Variants in ATP10A observed in about 807,000 individuals in gnomAD.
ATP10A encodes the protein phospholipid-transporting ATPase VA.
ATP10A carries 111 observed loss-of-function variants against 147.8 expected under a neutral mutation model. The observed-to-expected ratio is 0.75, with a 90% CI of 0.64 to 0.88. ATP10A has a LOEUF of 0.88. Ranked by LOEUF, ATP10A falls within the 40% of genes least tolerant of loss-of-function variation. ATP10A has a pLI of 0.00. For missense variants in ATP10A, 1,927 were observed against 1,959.0 expected (o/e 0.98, Z 0.31); for synonymous variants, 875 against 841.6 (o/e 1.04, Z -0.69).
At chr15:25,718,107 C>T (rs1220619374) in intron 8 of ATP10A, 75 bp downstream of exon 8, 2 of 1,475,066 alleles carry the variant, frequency 1.4e-6, no homozygotes, top group Non-Finnish European at 1.9e-6. Context: ...AATATAGACA[C>T]CTTCCATGAG....
At chr15:25,837,911 A>G (rs775850389) in intron 1 of ATP10A, among the ~76,000 whole-genome samples, 9 of 152,154 alleles carry the variant, frequency 5.9e-5, no homozygotes, top group Non-Finnish European at 1.2e-4. Flanking sequence ...TCTTGGAAGG[A>G]AGGTATGCTG....
chr15:25,713,731 C>T lies in ATP10A; in HGVS notation c.2287G>A (p.Val763Ile), dbSNP rs754620919. Reference sequence around the variant, plus strand: ...ACTGAGTCGGCCCCCTTGGTGTAGACGTTGATCTCATCGGTAAGCGGGTGC... The same window carrying T: ...ACTGAGTCGGCCCCCTTGGTGTAGATGTTGATCTCATCGGTAAGCGGGTGC... Reference protein sequence around the residue: ...IRHPLTDEINVYTKGADSVVM... With the variant: ...IRHPLTDEINIYTKGADSVVM... Residue 763 changes from valine (V) to isoleucine (I), a missense_variant, in exon 10 of 21, where the codon GTC becomes ATC. Val to Ile is a conservative substitution (Grantham distance 29). Transcript: ENST00000555815. 10 of 1,614,096 alleles carry T rather than the reference C, an allele frequency of 6.2e-6. No homozygotes were observed. The highest frequency in any genetic ancestry group is 2.2e-5 in the South Asian group (2 of 91,072).
intron 13 of ATP10A, among the ~76,000 whole-genome samples, chr15:25,696,297 A>C (rs1900335043): frequency 6.6e-6 from 1 of 152,266 alleles, no homozygotes; most frequent in African/African-American, 2.4e-5. Flanking sequence ...GCTGATGCAC[A>C]CACACTCATG....
At chr15:25,680,085 C>A (rs372743966) in intron 20 of ATP10A, 36 bp downstream of exon 20, 1 of 1,603,374 alleles carries the variant, frequency 6.2e-7, no homozygotes, top group Admixed American at 1.7e-5. Flanking sequence ...TGGGCTCACT[C>A]GGGGCTCAGA....
chr15:25,854,006 A>C (rs1221695372), intron 1 of ATP10A, among the ~76,000 whole-genome samples: 1 of 152,178 alleles, frequency 6.6e-6, no homozygotes, highest in East Asian at 1.9e-4. Context: ...CTGACCAAAG[A>C]AATCAATTAC....
rs1893816796 is a variant in ATP10A, at chr15:25,862,658, C to G, written c.439G>C (p.Val147Leu). Reference sequence around the variant, plus strand: ...GCCCGCCCAACTCACCTGCTGAAGACCAGGCAGCCCAGGTGGTTGATCTTG... The same window carrying G: ...GCCCGCCCAACTCACCTGCTGAAGAGCAGGCAGCCCAGGTGGTTGATCTTG... ...DHKINHLGCL[V>L]FSREEKKYVN... Residue 147 changes from valine (V) to leucine (L), a missense_variant, in exon 1 of 21, where the codon GTC (valine) becomes CTC (leucine). Coordinates refer to ENST00000555815, the MANE Select transcript of ATP10A (RefSeq NM_024490.4). 4 of 1,583,252 alleles carry G rather than the reference C, an allele frequency of 2.5e-6. No individual in the cohort carries two copies. Among genetic ancestry groups the G allele is most frequent in the Non-Finnish European group, 3.4e-6 (4 of 1,162,412 alleles).
At chr15:25,783,937 C>T (rs976327382) in intron 1 of ATP10A, among the ~76,000 whole-genome samples, 1 of 152,196 alleles carries the variant, frequency 6.6e-6, no homozygotes, top group African/African-American at 2.4e-5. Flanking sequence ...TGAGAGGAGG[C>T]ATGGCAGTGG....
intron 2 of ATP10A, among the ~76,000 whole-genome samples, chr15:25,779,351 C>G (rs922245436): frequency 6.6e-5 from 10 of 152,252 alleles, no homozygotes; most frequent in African/African-American, 2.4e-4. Flanking sequence ...CACTCACCCT[C>G]TGTGTGCACA....
intron 16 of ATP10A, among the ~76,000 whole-genome samples, chr15:25,685,251 T>C (rs886250226): frequency 6.6e-6 from 1 of 152,180 alleles, no homozygotes; most frequent in African/African-American, 2.4e-5. Flanking sequence ...AGAGTGATTA[T>C]CCTTGAACTC....
intron 1 of ATP10A, among the ~76,000 whole-genome samples, chr15:25,840,612 G>A (rs1428290548): frequency 1.3e-5 from 2 of 152,088 alleles, no homozygotes; most frequent in African/African-American, 2.4e-5. Flanking sequence ...AAAATGCTGC[G>A]ATGAACATTT....
intron 15 of ATP10A, among the ~76,000 whole-genome samples, chr15:25,689,592 G>A (rs1018374383): frequency 4.6e-5 from 7 of 152,186 alleles, no homozygotes; most frequent in African/African-American, 1.7e-4. Context: ...CCCAGTGCTG[G>A]AAAACCCAAG....
chr15:25,756,946 G>A (rs1004265741), intron 2 of ATP10A, among the ~76,000 whole-genome samples: 1 of 152,118 alleles, frequency 6.6e-6, no homozygotes, highest in Admixed American at 6.5e-5. Flanking sequence ...CAAATAAAAT[G>A]TTCATAAACA....
At chr15:25,845,314 TTGTGTGTTTGTG>T (rs886454538) in intron 1 of ATP10A, among the ~76,000 whole-genome samples, 27 of 133,444 alleles carry the variant, frequency 2.0e-4, no homozygotes, top group African/African-American at 8.6e-4. Flanking sequence ...CACGGACCGT[TTGTGTGTTTGTG>T]TGTGTGTGTG....
At chr15:25,772,835 G>A (rs1476388238) in intron 2 of ATP10A, among the ~76,000 whole-genome samples, 4 of 152,128 alleles carry the variant, frequency 2.6e-5, no homozygotes, top group Admixed American at 2.0e-4. Flanking sequence ...GTTTTGGGAG[G>A]CGGGGAACAT....
intron 9 of ATP10A, among the ~76,000 whole-genome samples, chr15:25,715,259 C>T (rs752442823): frequency 1.3e-5 from 2 of 152,180 alleles, no homozygotes; most frequent in African/African-American, 4.8e-5. Context: ...ACTTTAAATA[C>T]GCTACATAGC....
intron 1 of ATP10A, among the ~76,000 whole-genome samples, chr15:25,844,240 T>C (rs1892924930): frequency 6.6e-6 from 1 of 152,130 alleles, no homozygotes; most frequent in Non-Finnish European, 1.5e-5. Context: ...AATCTGCCAT[T>C]CAGTAGAAGG....
chr15:25,759,968 A>ATTTT (rs11343295), intron 2 of ATP10A, among the ~76,000 whole-genome samples: 2 of 147,176 alleles, frequency 1.4e-5, no homozygotes, highest in Non-Finnish European at 1.5e-5. Context: ...TGATCATGTA[A>ATTTT]TTTTTTTTTT....
chr15:25,841,689 C>A (rs1291024555), intron 1 of ATP10A: 1 of 151,912 alleles, frequency 6.6e-6, no homozygotes, highest in Non-Finnish European at 1.5e-5. Flanking sequence ...GATCCATGAA[C>A]ATGGGAAGTC....
At chr15:25,809,287 C>T (rs551725046) in intron 1 of ATP10A, among the ~76,000 whole-genome samples, 8 of 152,194 alleles carry the variant, frequency 5.3e-5, no homozygotes, top group African/African-American at 1.9e-4. Context: ...GAGCATACGT[C>T]GGGCGGGGTG....
Sources: gnomAD v4.1 joint callset for allele counts (sites outside exome capture counted in the v4.1 genomes callset) on GRCh38, gnomAD v4.1.1 for gene constraint, MANE v1.5 for transcripts, NCBI Gene and HGNC (gene_info 2026-07-23, HGNC 2026-07-21) for gene names.